Variants in WDR20 observed in about 807,000 individuals in gnomAD.
WDR20 encodes WD repeat domain 20.
WDR20 carries 3 observed loss-of-function variants against 38.7 expected under a neutral mutation model. The ratio of observed to expected loss-of-function variants is 0.08; its 90% CI spans 0.04 to 0.20. The LOEUF (loss-of-function observed/expected upper bound fraction) is 0.20, where lower values mean the gene tolerates loss of function less well. Ranked by LOEUF, WDR20 falls within the 10% of genes least tolerant of loss-of-function variation. The pLI is 1.00. For missense variants in WDR20, 559 were observed against 727.7 expected (o/e 0.77, Z 2.67); for synonymous variants, 298 against 285.6 (o/e 1.04, Z -0.44).
At chr14:102,173,423 CT>C (rs1467345850) in intron 1 of WDR20, among the ~76,000 whole-genome samples, 21 of 146,128 alleles carry the variant, frequency 1.4e-4, no homozygotes, top group Admixed American at 8.9e-4. Context: ...CTGTTTTTTT[CT>C]TTTTTTAAAA....
At chr14:102,198,495 G>T in intron 2 of WDR20, 2 of 156,276 alleles carry the variant, frequency 1.3e-5, no homozygotes, top group Middle Eastern at 1.0e-3. Flanking sequence ...TGTGCCTCAT[G>T]TGAGAAGAAG....
chr14:102,193,378 A>C, intron 1 of WDR20: 223 of 1,217,860 alleles, frequency 1.8e-4, no homozygotes, highest in Non-Finnish European at 2.3e-4. Flanking sequence ...CGCTCCAGTC[A>C]GGACTCCCTT....
Position 102,210,423 on chromosome 14 carries a change from A to G in WDR20, c.*543A>G, listed in dbSNP as rs1043849547. The G allele has an allele frequency of 2.0e-6, 2 of 985,344 alleles. No individual in the cohort carries two copies. Among genetic ancestry groups the G allele is most frequent in the East Asian group, 1.1e-4 (1 of 8,834 alleles). 61.0% of individuals were successfully genotyped at this position (985,344 alleles called of 1,614,324 possible). ...CAGGGTTGATTGATATTATTTTTAC[A>G]TTGTTCTGGCAATCCACAGAAAGAG... is the stretch of plus-strand genomic sequence containing the variant. On this transcript the variant is annotated 3_prime_UTR_variant, in exon 3 of 3. Coordinates refer to ENST00000342702, the MANE Select transcript of WDR20 (RefSeq NM_144574.4).
intron 1 of WDR20, among the ~76,000 whole-genome samples, chr14:102,189,796 TTTA>T (rs1383796337): frequency 6.6e-6 from 1 of 152,222 alleles, no homozygotes; most frequent in Non-Finnish European, 1.5e-5. Flanking sequence ...TAAAAGAGTT[TTTA>T]TTATAATTTT....
chr14:102,210,083 A>G lies in WDR20; in HGVS notation c.*203A>G. On this transcript the variant is annotated 3_prime_UTR_variant, in exon 3 of 3. Transcript: ENST00000342702. ...TAGAGCATTTAAAAAAATATAATCA[A>G]ACTAATTGCCAGCCAAGTCAGTCAT... 10 of 1,345,348 alleles carry G rather than the reference A, an allele frequency of 7.4e-6. No individual in the cohort carries two copies. Among genetic ancestry groups the G allele is most frequent in the Non-Finnish European group, 9.5e-6 (10 of 1,053,452 alleles). The allele number at this position is 1,345,348 out of a possible 1,614,324, so 83.3% of individuals were successfully genotyped here.
At chr14:102,142,774 C>CTGTTTTTTTT (rs1193456475) in intron 1 of WDR20, among the ~76,000 whole-genome samples, 2 of 85,040 alleles carry the variant, frequency 2.4e-5, no homozygotes, top group African/African-American at 8.6e-5. Flanking sequence ...GCTGTTTTGA[C>CTGTTTTTTTT]TTTTTTTTTT....
At chr14:102,202,650 G>A (rs1026944193) in intron 2 of WDR20, among the ~76,000 whole-genome samples, 1 of 152,042 alleles carries the variant, frequency 6.6e-6, no homozygotes, top group African/African-American at 2.4e-5. Context: ...AAAGTACTGG[G>A]ATTACAGGTG....
At chr14:102,217,993 T>C (rs1452079384), downstream of WDR20, among the ~76,000 whole-genome samples, 10 of 152,224 alleles carry the variant, frequency 6.6e-5, no homozygotes, top group Admixed American at 6.5e-4. Flanking sequence ...CTTCTCCCTC[T>C]GGGGGACGCC....
rs2064045766 is a variant in WDR20, at chr14:102,222,660, C to A, written c.1693-170C>A. On this transcript the variant is annotated intron_variant, in intron 3 of 3. Transcript: ENST00000335263. This position sits in a 1 kb window ranked among gnomAD's most constrained non-coding sequence, Gnocchi z 4.4. The stretch of plus-strand genomic sequence containing the variant: ...GTTCCAATTCTCTAGGAATGGAACG[C>A]AGTGATCTGGATAGGAATTAAATAG... 6.6e-6 allele frequency among the ~76,000 whole-genome samples: 1 copy of A among 152,146 alleles called. No homozygotes were observed. The highest frequency in any genetic ancestry group is 6.5e-5 in the Admixed American group (1 of 15,276).
intron 1 of WDR20, among the ~76,000 whole-genome samples, chr14:102,192,698 G>A (rs187138289): frequency 6.6e-5 from 10 of 152,224 alleles, no homozygotes; most frequent in South Asian, 4.1e-4. Flanking sequence ...GAAACATTAC[G>A]TATTTTTTAA....
chr14:102,159,973 T>TAC (rs1216590109), intron 1 of WDR20, among the ~76,000 whole-genome samples: 1 of 152,072 alleles, frequency 6.6e-6, no homozygotes, highest in East Asian at 1.9e-4. Flanking sequence ...GGCATGGTGG[T>TAC]ACACATCTGT....
intron 1 of WDR20, among the ~76,000 whole-genome samples, chr14:102,191,958 A>G (rs189736929): frequency 2.6e-5 from 4 of 152,322 alleles, no homozygotes; most frequent in East Asian, 3.9e-4. Context: ...TACAGAATAT[A>G]AACTCTAACT....
chr14:102,173,588 T>C (rs1214277548), intron 1 of WDR20, among the ~76,000 whole-genome samples: 2 of 151,748 alleles, frequency 1.3e-5, no homozygotes, highest in Non-Finnish European at 2.9e-5. Flanking sequence ...CGGTGTACAC[T>C]GTACCCAATG....
intron 1 of WDR20, among the ~76,000 whole-genome samples, chr14:102,148,319 G>A (rs1417823590): frequency 6.6e-6 from 1 of 152,114 alleles, no homozygotes; most frequent in African/African-American, 2.4e-5. Context: ...CGAGGCAGGA[G>A]GATTGGTTGA....
At chr14:102,194,317 G>A (rs1272255361) in intron 1 of WDR20, among the ~76,000 whole-genome samples, 1 of 152,226 alleles carries the variant, frequency 6.6e-6, no homozygotes, top group Non-Finnish European at 1.5e-5. Flanking sequence ...GGAGCCACCT[G>A]TATAGAGTGG....
chr14:102,219,411 C>T (rs1210480188), downstream of WDR20, among the ~76,000 whole-genome samples: 1 of 152,248 alleles, frequency 6.6e-6, no homozygotes, highest in Non-Finnish European at 1.5e-5. Flanking sequence ...GTGTCGCACC[C>T]CCTGCTTCTG....
At chr14:102,202,418 C>T (rs55953464) in intron 2 of WDR20, among the ~76,000 whole-genome samples, 14,539 of 129,564 alleles carry the variant, frequency 0.11, 1,237 homozygotes, top group African/African-American at 0.25. Context: ...CTCGCTCTGT[C>T]GCCCAGGCTG....
At chr14:102,197,646 A>G (rs2059631408) in intron 2 of WDR20, 3 of 587,818 alleles carry the variant, frequency 5.1e-6, no homozygotes, top group African/African-American at 3.7e-5. Flanking sequence ...CTTGTCTTAT[A>G]AAAGCCTTTT....
At chr14:102,176,252 G>A (rs573286596) in intron 1 of WDR20, among the ~76,000 whole-genome samples, 1 of 150,986 alleles carries the variant, frequency 6.6e-6, no homozygotes, top group African/African-American at 2.4e-5. Context: ...AAAATTAGCC[G>A]GGCGTGGTGG....
Sources: gnomAD v4.1 joint callset for allele counts (sites outside exome capture counted in the v4.1 genomes callset) on GRCh38, gnomAD v4.1.1 for gene constraint, Gnocchi (gnomAD v3.1) non-coding constraint, MANE v1.5 for transcripts, NCBI Gene and HGNC (gene_info 2026-07-23, HGNC 2026-07-21) for gene names.